MACROD2: variants seen among roughly 807,000 people sequenced by gnomAD.
The protein encoded by MACROD2 is ADP-ribose glycohydrolase MACROD2.
Under a neutral mutation model 70.4 loss-of-function variants are expected in MACROD2, and 36 were observed. The ratio of observed to expected loss-of-function variants is 0.51; its 90% confidence interval spans 0.39 to 0.68. MACROD2 has a LOEUF of 0.68. Ranked by LOEUF, MACROD2 falls within the 30% of genes least tolerant of loss-of-function variation. The pLI, the probability that MACROD2 is intolerant of heterozygous loss-of-function variation, is 0.00. For synonymous variants in MACROD2, 172 were observed against 178.8 expected (o/e 0.96, Z 0.30); for missense variants, 496 against 538.4 (o/e 0.92, Z 0.78).
chr20:15,459,995 A>G (rs1475229113), intron 7 of MACROD2, among the ~76,000 whole-genome samples: 1 of 152,130 alleles, frequency 6.6e-6, no homozygotes, highest in African/African-American at 2.4e-5. Context: ...AATCTGGTCA[A>G]CAGGTTGATT....
rs80298471 is a variant in MACROD2 at position 15,019,553 on chromosome 20, C to T, written c.419-210387C>T. On this transcript the variant is annotated intron_variant, in intron 5 of 17. Coordinates refer to ENST00000684519, the MANE Select transcript of MACROD2 (RefSeq NM_001351661.2). ...CACTTATGGCCTCCTTTTCTAGACTCTTGACTAACAGACAGCTTTCCTTTT... is the reference window on the plus strand; with the variant it reads ...CACTTATGGCCTCCTTTTCTAGACTTTTGACTAACAGACAGCTTTCCTTTT... Among the ~76,000 whole-genome samples the T allele has an allele frequency of 3.9e-4, 60 of 152,290 alleles. 1 individual carries two copies. In the East Asian group the frequency reaches 9.6e-3, roughly 24 times the overall value.
chr20:15,726,664 T>A (rs1218574246), intron 8 of MACROD2, among the ~76,000 whole-genome samples: 2 of 152,074 alleles, frequency 1.3e-5, no homozygotes, highest in Non-Finnish European at 1.5e-5. Flanking sequence ...TTTTGATTTG[T>A]GGTTCTCTAA....
intron 5 of MACROD2, among the ~76,000 whole-genome samples, chr20:14,870,716 CAT>C (rs1177855726): frequency 6.6e-6 from 1 of 151,762 alleles, no homozygotes; most frequent in African/African-American, 2.4e-5. Context: ...AGGTTTTTTT[CAT>C]ATGATTGCTG....
chr20:15,013,968 G>T (rs975203942), intron 5 of MACROD2, among the ~76,000 whole-genome samples: 1 of 152,142 alleles, frequency 6.6e-6, no homozygotes, highest in Non-Finnish European at 1.5e-5. Context: ...CCAAACACCA[G>T]TGAAAGCCAT....
intron 13 of MACROD2, among the ~76,000 whole-genome samples, chr20:15,975,698 C>A (rs2066296547): frequency 6.6e-6 from 1 of 152,186 alleles, no homozygotes; most frequent in South Asian, 2.1e-4. Context: ...AATATGACAA[C>A]TCACAATATT....
chr20:14,065,158 G>C (rs1462351306), intron 2 of MACROD2, among the ~76,000 whole-genome samples: 1 of 152,160 alleles, frequency 6.6e-6, no homozygotes, highest in Non-Finnish European at 1.5e-5. Context: ...GTAACAGAAA[G>C]CTATAGACTT....
At chr20:15,713,987 G>GCACACACACACACA (rs3071356) in intron 8 of MACROD2, among the ~76,000 whole-genome samples, 58 of 117,784 alleles carry the variant, frequency 4.9e-4, no homozygotes, top group East Asian at 3.2e-3. Context: ...ACACACATAT[G>GCACACACACACACA]CACACACACA....
intron 4 of MACROD2, among the ~76,000 whole-genome samples, chr20:14,629,168 C>CTG (rs1434746893): frequency 6.6e-6 from 1 of 151,460 alleles, no homozygotes; most frequent in East Asian, 1.9e-4. Flanking sequence ...TGTGTGTGGT[C>CTG]TGTGTGTGTG....
At chr20:15,762,439 T>C (rs2051451428) in intron 8 of MACROD2, among the ~76,000 whole-genome samples, 1 of 152,170 alleles carries the variant, frequency 6.6e-6, no homozygotes, top group Non-Finnish European at 1.5e-5. Flanking sequence ...GGTAGACAAA[T>C]TACTAACCAT....
intron 6 of MACROD2, among the ~76,000 whole-genome samples, chr20:15,395,159 C>T (rs2045844415): frequency 1.3e-5 from 2 of 152,136 alleles, no homozygotes; most frequent in Non-Finnish European, 2.9e-5. Flanking sequence ...TAATATTCAC[C>T]AATGACCATT....
At chr20:15,227,931 G>A (rs571900206) in intron 5 of MACROD2, among the ~76,000 whole-genome samples, 1 of 143,476 alleles carries the variant, frequency 7.0e-6, no homozygotes, top group African/African-American at 2.6e-5. Context: ...TGTTATTCTG[G>A]TTCAATTTTT....
chr20:14,100,579 A>C (rs1023758475), intron 3 of MACROD2, among the ~76,000 whole-genome samples: 2 of 146,102 alleles, frequency 1.4e-5, no homozygotes, highest in Non-Finnish European at 3.0e-5. Context: ...TTACATCCCT[A>C]TAGGGGATTT....
chr20:15,990,431 CAT>C (rs1230818643), intron 15 of MACROD2, among the ~76,000 whole-genome samples: 2 of 152,162 alleles, frequency 1.3e-5, no homozygotes, highest in Non-Finnish European at 2.9e-5. Context: ...ACAAAATTTT[CAT>C]ATATGTTTTA....
At chr20:15,310,880 C>T (rs904071335) in intron 6 of MACROD2, among the ~76,000 whole-genome samples, 1 of 152,070 alleles carries the variant, frequency 6.6e-6, no homozygotes, top group African/African-American at 2.4e-5. Flanking sequence ...CCCAAAGGAA[C>T]CCATATGTAG....
At position 15,907,610 on chromosome 20, in the gene MACROD2, G is replaced by GT. The variant is rs568611484; in HGVS notation, c.775+21800dup. ...CACCTTTTTTTGTTCTCTTTTTATT[G>GT]TAAGTGTTAAAATACACATGAGACA... On this transcript the variant is annotated intron_variant, in intron 10 of 17. Coordinates refer to ENST00000684519, the MANE Select transcript of MACROD2 (RefSeq NM_001351661.2). Among the ~76,000 whole-genome samples, 374 of 152,132 alleles carry GT rather than the reference G, an allele frequency of 2.5e-3. 3 individuals are homozygous for GT. Among genetic ancestry groups the GT allele is most frequent in the Admixed American group, 5.6e-3 (86 of 15,288 alleles).
intron 3 of MACROD2, among the ~76,000 whole-genome samples, chr20:14,334,179 C>T (rs913366880): frequency 6.6e-6 from 1 of 152,100 alleles, no homozygotes; most frequent in East Asian, 1.9e-4. Context: ...CTGGGGTTTT[C>T]GTAAATAGAT....
intron 6 of MACROD2, among the ~76,000 whole-genome samples, chr20:15,267,946 T>C (rs1222486212): frequency 1.3e-5 from 2 of 152,194 alleles, no homozygotes; most frequent in African/African-American, 4.8e-5. Flanking sequence ...CCCAATAAAT[T>C]CTGTTTTTCT....
At chr20:14,511,227 A>T (rs1328966863) in intron 4 of MACROD2, among the ~76,000 whole-genome samples, 1 of 152,086 alleles carries the variant, frequency 6.6e-6, no homozygotes, top group Admixed American at 6.6e-5. Flanking sequence ...TTGAGTAAGA[A>T]AACATGTAAC....
intron 2 of MACROD2, chr20:14,003,823 A>G (rs1275448192): frequency 8.5e-6 from 3 of 352,766 alleles, no homozygotes; most frequent in South Asian, 2.5e-5. Flanking sequence ...GAAAGAGAGG[A>G]GAGTGCTGTG....
Sources: gnomAD v4.1 joint callset for allele counts (sites outside exome capture counted in the v4.1 genomes callset) on GRCh38, gnomAD v4.1.1 for gene constraint, MANE v1.5 for transcripts, NCBI Gene and HGNC (gene_info 2026-07-23, HGNC 2026-07-21) for gene names.